Variants in CDK19 observed in about 807,000 individuals in gnomAD.
The protein encoded by CDK19 is cyclin dependent kinase 19.
In CDK19, 20 loss-of-function variants were observed where a neutral mutation model predicts 68.3. That is an observed-to-expected ratio of 0.29 (90% CI 0.21 to 0.43). The LOEUF is 0.43. CDK19 is among the 20% of genes least tolerant of loss of function. The pLI, the probability that CDK19 is intolerant of heterozygous loss-of-function variation, is 1.00. For missense variants in CDK19, 339 were observed against 623.5 expected, an observed-to-expected ratio of 0.54 and a Z score of 4.86; for synonymous variants, 221 against 222.8, an observed-to-expected ratio of 0.99 and a Z score of 0.07.
At chr6:110,627,855 G>A (rs998117897) in intron 6 of CDK19, among the ~76,000 whole-genome samples, 1 of 152,148 alleles carries the variant, frequency 6.6e-6, no homozygotes, top group Non-Finnish European at 1.5e-5. Context: ...GCCATCCAAT[G>A]TATAATGATA....
chr6:110,785,239 G>C (rs1562286408), intron 1 of CDK19, among the ~76,000 whole-genome samples: 2 of 152,006 alleles, frequency 1.3e-5, no homozygotes, highest in Non-Finnish European at 2.9e-5. Flanking sequence ...CTTCATTAGA[G>C]ATCATTGCTT....
chr6:110,730,249 G>A (rs545970581), intron 2 of CDK19, among the ~76,000 whole-genome samples: 23 of 152,266 alleles, frequency 1.5e-4, no homozygotes, highest in African/African-American at 5.5e-4. Context: ...AGCTATAGTG[G>A]CTATTTTACT....
At position 110,705,834 on chromosome 6, in the gene CDK19, T is replaced by C. The variant is rs1243434809; in HGVS notation, c.205-35293A>G. Among the ~76,000 whole-genome samples, 4 of 151,978 alleles carry C rather than the reference T, an allele frequency of 2.6e-5. No individual in the cohort carries two copies. The East Asian group carries it at 7.7e-4, about 29-fold the overall frequency. On this transcript the variant is annotated intron_variant, in intron 2 of 12. Coordinates refer to ENST00000368911, the MANE Select transcript of CDK19 (RefSeq NM_015076.5). ...ACATATAGCCACAGGGAGGGGAACA[T>C]CACACACTGGGGCTTGTCAGGGGTA...
At chr6:110,642,308 CAAAAAAAAAAA>C (rs56320713) in intron 4 of CDK19, among the ~76,000 whole-genome samples, 2 of 96,326 alleles carry the variant, frequency 2.1e-5, no homozygotes, top group African/African-American at 7.3e-5. Flanking sequence ...GACTCTGTTT[CAAAAAAAAAAA>C]AAAAAAAAAA....
rs117946734 is a variant in CDK19, at chr6:110,710,953, G to A, written c.204+35173C>T. Among the ~76,000 whole-genome samples the A allele has an allele frequency of 4.7e-4, 72 of 152,284 alleles. No individual in the cohort carries two copies. The East Asian group carries it at 0.013, about 27-fold the overall frequency. ...AACAACAAAAAGGGCAGAGGGGTTAGCCGCAACTGATCTAATCTCATATCG... is the reference window on the plus strand; with the variant it reads ...AACAACAAAAAGGGCAGAGGGGTTAACCGCAACTGATCTAATCTCATATCG... On this transcript the variant is annotated intron_variant, in intron 2 of 12. Coordinates refer to ENST00000368911, the MANE Select transcript of CDK19 (RefSeq NM_015076.5).
chr6:110,814,990 C>T lies in CDK19; in HGVS notation c.128+19G>A, dbSNP rs779350070. 4 of 1,601,658 alleles carry T rather than the reference C, an allele frequency of 2.5e-6. No individual in the cohort carries two copies. Among genetic ancestry groups the T allele is most frequent in the African/African-American group, 1.4e-5 (1 of 72,630 alleles). On this transcript the variant is annotated intron_variant, in intron 1 of 12. Transcript: ENST00000368911. The stretch of plus-strand genomic sequence containing the variant: ...GGCGAGGACCCGAGCGAGCCTACTC[C>T]TCCCGCCCCTGCTCTTACCCATCTT...
At chr6:110,760,497 G>A (rs1779160472) in intron 1 of CDK19, among the ~76,000 whole-genome samples, 1 of 151,920 alleles carries the variant, frequency 6.6e-6, no homozygotes, top group African/African-American at 2.4e-5. Context: ...GGAGGCTGAG[G>A]CGGGAGGATT....
intron 1 of CDK19, among the ~76,000 whole-genome samples, chr6:110,784,943 T>C: frequency 6.6e-6 from 1 of 152,066 alleles, no homozygotes; most frequent in East Asian, 1.9e-4. Context: ...AAAAAGTTGA[T>C]TAGAGGATAC....
At chr6:110,791,437 C>G (rs9481110) in intron 1 of CDK19, among the ~76,000 whole-genome samples, 17 of 151,544 alleles carry the variant, frequency 1.1e-4, no homozygotes, top group Non-Finnish European at 1.5e-4. Flanking sequence ...GAAAAAAGGA[C>G]AGAACACAAC....
At chr6:110,744,960 T>C (rs1777970713) in intron 2 of CDK19, among the ~76,000 whole-genome samples, 1 of 152,202 alleles carries the variant, frequency 6.6e-6, no homozygotes, top group Admixed American at 6.5e-5. Flanking sequence ...TATGTAATAG[T>C]TATTAAATTA....
chr6:110,746,243 T>C, intron 1 of CDK19, 42 bp from the exon 2 acceptor site: 1 of 1,211,316 alleles, frequency 8.3e-7, no homozygotes, highest in Non-Finnish European at 1.2e-6. Flanking sequence ...ATATATCACT[T>C]TCAGATTCAA....
intron 1 of CDK19, 100 bp downstream of exon 1, chr6:110,814,909 C>T: frequency 2.6e-6 from 4 of 1,523,794 alleles, no homozygotes; most frequent in South Asian, 2.3e-5. Context: ...CCGCCTCGCC[C>T]CTCGGGCACG....
At chr6:110,774,448 C>T (rs762564142) in intron 1 of CDK19, among the ~76,000 whole-genome samples, 2 of 152,110 alleles carry the variant, frequency 1.3e-5, no homozygotes, top group African/African-American at 2.4e-5. Flanking sequence ...ATATACTGGA[C>T]AAAGGGATGA....
chr6:110,720,657 A>C (rs1775796366), intron 2 of CDK19, among the ~76,000 whole-genome samples: 2 of 152,146 alleles, frequency 1.3e-5, no homozygotes, highest in Non-Finnish European at 2.9e-5. Flanking sequence ...ACCTGAGGTC[A>C]GGAATTCGAG....
At position 110,611,964 on chromosome 6, in the gene CDK19, TC is replaced by T. The variant is rs1169141635; in HGVS notation, c.*2570del. 6.6e-6 allele frequency: 1 copy of T among 152,236 alleles called. No individual in the cohort carries two copies. Among genetic ancestry groups the T allele is most frequent in the Non-Finnish European group, 1.5e-5 (1 of 68,036 alleles). 9.4% of individuals were successfully genotyped at this position (152,236 alleles called of 1,614,324 possible). ...TGTGGAATGGAGATTTCTGGCTATG[TC>T]CTGGAGGATATTGTATACTGGGAGC... On this transcript the variant is annotated 3_prime_UTR_variant, in exon 13 of 13. Transcript: ENST00000368911.
At chr6:110,754,221 C>T (rs930593402) in intron 1 of CDK19, among the ~76,000 whole-genome samples, 2 of 151,220 alleles carry the variant, frequency 1.3e-5, no homozygotes, top group South Asian at 2.1e-4. Context: ...CTTTTTAAGA[C>T]AGGGTCTCGC....
At chr6:110,683,877 A>T (rs113164302) in intron 2 of CDK19, among the ~76,000 whole-genome samples, 4 of 131,798 alleles carry the variant, frequency 3.0e-5, no homozygotes, top group African/African-American at 1.1e-4. Flanking sequence ...CATTTTTTGT[A>T]TTTTTTTTTT....
intron 2 of CDK19, among the ~76,000 whole-genome samples, chr6:110,721,010 G>A (rs1582946400): frequency 6.6e-6 from 1 of 152,098 alleles, no homozygotes; most frequent in Non-Finnish European, 1.5e-5. Flanking sequence ...GACCAAGGTG[G>A]GCAGATCACC....
intron 1 of CDK19, among the ~76,000 whole-genome samples, chr6:110,797,245 C>A (rs908744572): frequency 6.6e-6 from 1 of 151,616 alleles, no homozygotes; most frequent in African/African-American, 2.4e-5. Flanking sequence ...GAGGCTGAGG[C>A]AGGAGAATCA....
Sources: allele counts gnomAD v4.1 joint callset (sites outside exome capture counted in the v4.1 genomes callset), GRCh38; gene constraint gnomAD v4.1.1; transcripts MANE v1.5; gene names NCBI Gene and HGNC (gene_info 2026-07-23, HGNC 2026-07-21).